PAG1: variants seen among roughly 807,000 people sequenced by gnomAD.
PAG1 encodes the protein phosphoprotein membrane anchor with glycosphingolipid microdomains 1.
In PAG1, 23 loss-of-function variants were observed where a neutral mutation model predicts 31.7. That is an observed-to-expected ratio of 0.73 (90% CI 0.52 to 1.03). PAG1 has a LOEUF of 1.03. PAG1 is among the 50% of genes least tolerant of loss of function. The probability of loss-of-function intolerance (pLI) is 0.00; values close to 1 mark genes in which losing one functional copy is unlikely to be tolerated. For missense variants in PAG1, 473 were observed against 540.7 expected (o/e 0.87, Z 1.24); for synonymous variants, 214 against 210.3 (o/e 1.02, Z -0.15).
intron 1 of PAG1, among the ~76,000 whole-genome samples, chr8:81,095,906 G>A (rs935696707): frequency 1.3e-5 from 2 of 152,216 alleles, no homozygotes; most frequent in South Asian, 4.1e-4. Flanking sequence ...CAATATCTGT[G>A]CTCAGGGAAA....
chr8:81,056,380 C>A (rs565623562), intron 2 of PAG1, among the ~76,000 whole-genome samples: 9 of 152,178 alleles, frequency 5.9e-5, no homozygotes, highest in African/African-American at 2.2e-4. Flanking sequence ...AGATATAGAC[C>A]AATGGAACAG....
At chr8:80,988,792 T>C (rs1480207593) in intron 5 of PAG1, among the ~76,000 whole-genome samples, 3 of 152,160 alleles carry the variant, frequency 2.0e-5, no homozygotes, top group African/African-American at 7.2e-5. Flanking sequence ...CTTAGGACAT[T>C]TGGAGGGAAG....
intron 2 of PAG1, among the ~76,000 whole-genome samples, chr8:81,049,351 ACTC>A (rs1563642791): frequency 2.6e-5 from 4 of 152,168 alleles, no homozygotes; most frequent in Admixed American, 2.0e-4. Flanking sequence ...TCTTTTGCCA[ACTC>A]CTATTCACAT....
intron 2 of PAG1, among the ~76,000 whole-genome samples, chr8:81,054,888 T>C (rs1808790107): frequency 1.3e-5 from 2 of 151,964 alleles, no homozygotes; most frequent in African/African-American, 4.8e-5. Flanking sequence ...CAAAAGCTCA[T>C]GATGAAGACT....
intron 2 of PAG1, among the ~76,000 whole-genome samples, chr8:81,069,066 C>T (rs1261045897): frequency 1.3e-5 from 2 of 152,136 alleles, no homozygotes; most frequent in Non-Finnish European, 2.9e-5. Flanking sequence ...GGTCTTAATG[C>T]ACTGATTCTT....
chr8:80,994,889 A>G (rs971927066), intron 3 of PAG1, among the ~76,000 whole-genome samples: 1 of 152,220 alleles, frequency 6.6e-6, no homozygotes, highest in African/African-American at 2.4e-5. Flanking sequence ...ATAAGCAAAT[A>G]CTTTGGTTTT....
intron 3 of PAG1, among the ~76,000 whole-genome samples, chr8:80,993,780 A>AT (rs1413169782): frequency 1.3e-5 from 2 of 151,052 alleles, no homozygotes; most frequent in East Asian, 2.0e-4. Flanking sequence ...TAATATTTTT[A>AT]TTTTTTGTAG....
chr8:81,032,265 A>G (rs1808388971), intron 2 of PAG1, among the ~76,000 whole-genome samples: 1 of 152,152 alleles, frequency 6.6e-6, no homozygotes, highest in African/African-American at 2.4e-5. Context: ...TATTAAGAGA[A>G]TGAAAAGACA....
rs200838200 is a variant in PAG1 at position 80,976,619 on chromosome 8, G to A, written c.1224C>T (p.His408=). The A allele has an allele frequency of 2.7e-5, 43 of 1,614,042 alleles. No individual in the cohort carries two copies. The Admixed American group carries it at 5.0e-4, about 19-fold the overall frequency. The change falls in exon 9 of 9, where the codon CAC becomes CAT. Residue 408 remains histidine (H), a synonymous_variant. Transcript: ENST00000220597. The part of the protein sequence containing the change: ...EKATLGTNGH[H]GLVPKENDYE... Reference sequence around the variant, plus strand: ...AGTCGTTCTCCTTTGGGACGAGACCGTGGTGGCCATTGGTCCCCAGGGTGG... The same window carrying A: ...AGTCGTTCTCCTTTGGGACGAGACCATGGTGGCCATTGGTCCCCAGGGTGG...
At chr8:81,102,303 C>T (rs193103294) in intron 1 of PAG1, among the ~76,000 whole-genome samples, 24 of 152,206 alleles carry the variant, frequency 1.6e-4, no homozygotes, top group Admixed American at 1.3e-3. Flanking sequence ...AGCTGCCTAA[C>T]GTTTTTTAAA....
intron 6 of PAG1, among the ~76,000 whole-genome samples, chr8:80,987,097 G>A (rs1172032883): frequency 6.6e-6 from 1 of 152,056 alleles, no homozygotes; most frequent in East Asian, 1.9e-4. Flanking sequence ...GTAATCTCGT[G>A]GGGTAAATGA....
At chr8:81,092,882 C>A (rs914972230) in intron 1 of PAG1, among the ~76,000 whole-genome samples, 2 of 152,132 alleles carry the variant, frequency 1.3e-5, no homozygotes, top group African/African-American at 4.8e-5. Flanking sequence ...AGAGAAAGCA[C>A]AAAACACGCC....
At chr8:81,009,179 A>G (rs186669232) in intron 3 of PAG1, among the ~76,000 whole-genome samples, 1 of 152,318 alleles carries the variant, frequency 6.6e-6, no homozygotes, top group Admixed American at 6.5e-5. Flanking sequence ...TCCTCTGCCT[A>G]CACCAATGCC....
At chr8:81,039,791 GA>G (rs1808524721) in intron 2 of PAG1, among the ~76,000 whole-genome samples, 1 of 152,114 alleles carries the variant, frequency 6.6e-6, no homozygotes, top group Admixed American at 6.5e-5. Flanking sequence ...AACTTCAAAT[GA>G]ACATCAAAAT....
rs1807008534 is a variant in PAG1, at chr8:80,968,412, T to C, written c.*8132A>G. The C allele has an allele frequency of 6.6e-6, 1 of 152,232 alleles. No homozygotes were observed. Among genetic ancestry groups the C allele is most frequent in the Admixed American group, 6.5e-5 (1 of 15,280 alleles). The allele number at this position is 152,232 out of a possible 1,614,324, so 9.4% of individuals were successfully genotyped here. ...GAACAGGGACCACAGCCCTGTGCTC[T>C]TGTCTCCAAAACCCATGTTTCCCTT... On this transcript the variant is annotated 3_prime_UTR_variant, in exon 9 of 9. Transcript: ENST00000220597.
At chr8:81,086,495 G>C (rs1809359347) in intron 1 of PAG1, among the ~76,000 whole-genome samples, 2 of 151,446 alleles carry the variant, frequency 1.3e-5, no homozygotes, top group South Asian at 4.1e-4. Context: ...CAAGAAATGT[G>C]TGTGTGTGTG....
At chr8:81,001,036 G>C (rs1260971359) in intron 3 of PAG1, among the ~76,000 whole-genome samples, 4 of 152,158 alleles carry the variant, frequency 2.6e-5, no homozygotes, top group African/African-American at 9.7e-5. Context: ...AAACATTGTT[G>C]GCTCTCTTTC....
At chr8:81,091,686 A>ATT (rs2131067609) in intron 1 of PAG1, among the ~76,000 whole-genome samples, 1 of 152,290 alleles carries the variant, frequency 6.6e-6, no homozygotes, top group Admixed American at 6.5e-5. Context: ...GTGGTACATG[A>ATT]TTACATACAT....
At chr8:81,054,681 G>GA (rs895777960) in intron 2 of PAG1, among the ~76,000 whole-genome samples, 86 of 144,908 alleles carry the variant, frequency 5.9e-4, no homozygotes, top group African/African-American at 1.9e-3. Context: ...TCTCAAAAAA[G>GA]AAAAAAAAAA....
Sources: gnomAD v4.1 joint callset for allele counts (sites outside exome capture counted in the v4.1 genomes callset) on GRCh38, gnomAD v4.1.1 for gene constraint, MANE v1.5 for transcripts, NCBI Gene and HGNC (gene_info 2026-07-23, HGNC 2026-07-21) for gene names.